The following LPAR5 variants were observed in gnomAD, a reference collection of about 807,000 sequenced individuals.
LPAR5 encodes lysophosphatidic acid receptor 5, also known as G protein-coupled receptor 92.
For synonymous variants in LPAR5, 271 were observed against 261.6 expected, an observed-to-expected ratio of 1.04 and a Z score of -0.35; for missense variants, 544 against 521.8, an observed-to-expected ratio of 1.04 and a Z score of -0.41.
At chr12:6,635,440 C>A (rs961300954) in intron 1 of LPAR5, among the ~76,000 whole-genome samples, 1 of 152,240 alleles carries the variant, frequency 6.6e-6, no homozygotes, top group Non-Finnish European at 1.5e-5. Context: ...ACTGAGAACA[C>A]ATCTCTGCCA....
In LPAR5 at chr12:6,620,854, A is replaced by G; in HGVS notation, c.395T>C (p.Leu132Pro). 6.4e-7 allele frequency: 1 copy of G among 1,565,142 alleles called. No homozygotes were observed. Among genetic ancestry groups the G allele is most frequent in the Non-Finnish European group, 8.7e-7 (1 of 1,154,514 alleles). The change falls in exon 2 of 2, where the codon CTG becomes CCG. Residue 132 changes from leucine to proline, a missense_variant. Coordinates refer to ENST00000329858, the MANE Select transcript of LPAR5 (RefSeq NM_020400.6). The surrounding 1 kb of genome is among the most constrained non-coding windows in gnomAD (Gnocchi z 6.8). ...CAGCCGCGCCACGCGGGGCCGCCGC[A>G]GGTGGCGCAGTCGCAGCGGGTGCAC... ...AIVHPLRLRH[L>P]RRPRVARLLC...
At chr12:6,622,164 C>T (rs1948901687) in intron 1 of LPAR5, among the ~76,000 whole-genome samples, 1 of 150,940 alleles carries the variant, frequency 6.6e-6, no homozygotes, top group South Asian at 2.1e-4. Flanking sequence ...TGGCTCACGC[C>T]TGTAATCCCA....
At chr12:6,627,866 C>T (rs1047261738) in intron 1 of LPAR5, among the ~76,000 whole-genome samples, 12 of 150,490 alleles carry the variant, frequency 8.0e-5, no homozygotes, top group Non-Finnish European at 8.9e-5. Context: ...CGCTCTAATC[C>T]TGTGATAATA....
Position 6,620,221 on chromosome 12 carries a change from CTGGTGGCGTCGG to C in LPAR5, c.1016_1027del (p.Thr339_Thr342del), listed in dbSNP as rs1158382904. 8.7e-6 allele frequency: 14 copies of C among 1,612,266 alleles called. No homozygotes were observed. Among genetic ancestry groups the C allele is most frequent in the Non-Finnish European group, 8.5e-6 (10 of 1,179,284 alleles). On this transcript the variant is annotated inframe_deletion, in exon 2 of 2. Transcript: ENST00000329858. This position sits in a 1 kb window ranked among gnomAD's most constrained non-coding sequence, Gnocchi z 6.8. The stretch of plus-strand genomic sequence containing the variant: ...CAGCCCCTGACTGGCGGCATCCGGC[CTGGTGGCGTCGG>C]TGGTGACGGCGGACCTTTCGGATTG...
chr12:6,634,812 G>C (rs909768481), intron 1 of LPAR5, among the ~76,000 whole-genome samples: 2 of 147,450 alleles, frequency 1.4e-5, no homozygotes, highest in Admixed American at 6.8e-5. Flanking sequence ...AAAAATGGCT[G>C]GGCACCGTGG....
At chr12:6,622,691 C>T (rs919824331) in intron 1 of LPAR5, among the ~76,000 whole-genome samples, 21 of 151,176 alleles carry the variant, frequency 1.4e-4, no homozygotes, top group African/African-American at 5.1e-4. Context: ...TGCAGTGAGC[C>T]GAGATCACAC....
intron 1 of LPAR5, among the ~76,000 whole-genome samples, chr12:6,627,846 C>T (rs1948952250): frequency 7.8e-6 from 1 of 128,858 alleles, no homozygotes; most frequent in Non-Finnish European, 1.6e-5. Context: ...CCCCCAACTA[C>T]CCCCGCCCAC....
intron 1 of LPAR5, among the ~76,000 whole-genome samples, chr12:6,625,735 G>A (rs1330470132): frequency 6.6e-6 from 1 of 151,320 alleles, no homozygotes; most frequent in Non-Finnish European, 1.5e-5. Flanking sequence ...AAAAAAAAAG[G>A]AACTGTTTAA....
rs1948970579 is a variant in LPAR5 at position 6,629,880 on chromosome 12, C to T, written c.-217+6027G>A. On this transcript the variant is annotated intron_variant, in intron 1 of 1. Coordinates refer to ENST00000329858, the MANE Select transcript of LPAR5 (RefSeq NM_020400.6). ...TCTCTACTAAAAATACAAAAATTAG[C>T]CAGGCATGGTGGCGGCATCTGTAAT... Among the ~76,000 whole-genome samples the T allele has an allele frequency of 2.7e-5, 4 of 149,922 alleles. No homozygotes were observed. In the Admixed American group the frequency reaches 2.7e-4, roughly 10 times the overall value.
Position 6,621,075 on chromosome 12 carries a change from G to C in LPAR5, c.174C>G (p.Ser58Arg), listed in dbSNP as rs1449295782. 1.4e-5 allele frequency: 22 copies of C among 1,603,462 alleles called. No individual in the cohort carries two copies. Among genetic ancestry groups the C allele is most frequent in the Non-Finnish European group, 1.8e-5 (21 of 1,173,792 alleles). The change falls in exon 2 of 2, where the codon AGC becomes AGG. Residue 58 changes from serine (S) to arginine (R), a missense_variant. By Grantham distance (110) the Ser-to-Arg change is moderately radical. Transcript: ENST00000329858. ...TGGCCGCCAGGTTACACATGTACACGCTCACCACCGAGTGCACGCGCAGCG... is the reference window on the plus strand; with the variant it reads ...TGGCCGCCAGGTTACACATGTACACCCTCACCACCGAGTGCACGCGCAGCG... ...LRALRVHSVV[S>R]VYMCNLAASD... is the part of the protein sequence containing the mutation.
intron 1 of LPAR5, among the ~76,000 whole-genome samples, chr12:6,623,851 C>T (rs1382252205): frequency 6.6e-6 from 1 of 151,636 alleles, no homozygotes; most frequent in Non-Finnish European, 1.5e-5. Context: ...TCTTTGAGTA[C>T]ATGGGAGGCT....
chr12:6,620,866 C>A lies in LPAR5; in HGVS notation c.383G>T (p.Arg128Leu), dbSNP rs1391656952. Residue 128 changes from arginine (R) to leucine (L), a missense_variant, in exon 2 of 2, where the codon CGA becomes CTA. By Grantham distance (102) the Arg-to-Leu change is moderately radical (BLOSUM62 -2). Coordinates refer to ENST00000329858, the MANE Select transcript of LPAR5 (RefSeq NM_020400.6). This position sits in a 1 kb window ranked among gnomAD's most constrained non-coding sequence, Gnocchi z 6.8. Reference sequence around the variant, plus strand: ...GCGGGGCCGCCGCAGGTGGCGCAGTCGCAGCGGGTGCACGATGGCGGCGTA... The same window carrying A: ...GCGGGGCCGCCGCAGGTGGCGCAGTAGCAGCGGGTGCACGATGGCGGCGTA... ...DRYAAIVHPL[R>L]LRHLRRPRVA... 1 of 1,568,016 alleles carries A rather than the reference C, an allele frequency of 6.4e-7. No homozygotes were observed. The highest frequency in any genetic ancestry group is 1.9e-5 in the Admixed American group (1 of 52,612).
Position 6,620,202 on chromosome 12 carries a change from C to G in LPAR5, c.1047G>C (p.Gln349His). 6.2e-7 allele frequency: 1 copy of G among 1,613,234 alleles called. No individual in the cohort carries two copies. The highest frequency in any genetic ancestry group is 8.5e-7 in the Non-Finnish European group (1 of 1,179,572). Residue 349 changes from glutamine to histidine, a missense_variant, in exon 2 of 2, where the codon CAG becomes CAC. By Grantham distance (24) the Gln-to-His change is conservative. Transcript: ENST00000329858. The surrounding 1 kb of genome is among the most constrained non-coding windows in gnomAD (Gnocchi z 6.8). ...TDATRPDAAS[Q>H]GLLRPSDSHS... ...GGGAGTCGGAGGGTCGGAGCAGCCC[C>G]TGACTGGCGGCATCCGGCCTGGTGG...
At position 6,621,297 on chromosome 12, in the gene LPAR5, C is replaced by T; in HGVS notation, c.-49G>A. 1 of 1,444,268 alleles carries T rather than the reference C, an allele frequency of 6.9e-7. No individual in the cohort carries two copies. The highest frequency in any genetic ancestry group is 9.1e-7 in the Non-Finnish European group (1 of 1,097,146). The allele number at this position is 1,444,268 out of a possible 1,614,324, so 89.5% of individuals were successfully genotyped here. Reference sequence around the variant, plus strand: ...TAGGCTGGGGATGCCATGGAGCACACCAGAATCATGGCATGGCATTCACCT... The same window carrying T: ...TAGGCTGGGGATGCCATGGAGCACATCAGAATCATGGCATGGCATTCACCT... On this transcript the variant is annotated 5_prime_UTR_variant, in exon 2 of 2. In the 5' UTR this introduces an upstream ATG that the reference lacks. Coordinates refer to ENST00000329858, the MANE Select transcript of LPAR5 (RefSeq NM_020400.6).
chr12:6,630,399 GAATTAC>G (rs1948973408), intron 1 of LPAR5, among the ~76,000 whole-genome samples: 1 of 142,358 alleles, frequency 7.0e-6, no homozygotes, highest in Non-Finnish European at 1.5e-5. Context: ...CTGGGTGCTG[GAATTAC>G]AAGAGTGAAC....
chr12:6,630,551 C>T (rs1337077634), intron 1 of LPAR5, among the ~76,000 whole-genome samples: 1 of 142,830 alleles, frequency 7.0e-6, no homozygotes, highest in Admixed American at 7.5e-5. Context: ...CTCCCAGGTT[C>T]AAGCAATTCT....
At chr12:6,630,259 G>T (rs999526581) in intron 1 of LPAR5, among the ~76,000 whole-genome samples, 13 of 151,164 alleles carry the variant, frequency 8.6e-5, no homozygotes, top group Admixed American at 8.6e-4. Context: ...AAGTAGCTGG[G>T]ATCATAGCTC....
At chr12:6,634,796 G>GA (rs959317471) in intron 1 of LPAR5, among the ~76,000 whole-genome samples, 101 of 139,224 alleles carry the variant, frequency 7.3e-4, no homozygotes, top group African/African-American at 2.4e-3. Context: ...ATCCTGTCTT[G>GA]AAAAAAAAAA....
At chr12:6,625,444 G>A (rs1403899120) in intron 1 of LPAR5, among the ~76,000 whole-genome samples, 41 of 147,298 alleles carry the variant, frequency 2.8e-4, no homozygotes, top group African/African-American at 8.0e-4. Context: ...AAAGAGGGCC[G>A]GGCGCGGTGG....
Sources: gnomAD v4.1 joint callset for allele counts (sites outside exome capture counted in the v4.1 genomes callset) on GRCh38, gnomAD v4.1.1 for gene constraint, Gnocchi (gnomAD v3.1) non-coding constraint, MANE v1.5 for transcripts, NCBI Gene and HGNC (gene_info 2026-07-23, HGNC 2026-07-21) for gene names.